MECOM: variants seen among roughly 807,000 people sequenced by gnomAD.
The protein encoded by MECOM is MDS1 and EVI1 complex locus.
Under a neutral mutation model 116.3 loss-of-function variants are expected in MECOM, and 13 were observed. The observed-to-expected ratio is 0.11, with a 90% CI of 0.07 to 0.18. MECOM has a LOEUF of 0.18. Among genes scored for constraint, MECOM ranks in the 10% least tolerant of loss-of-function variants. The pLI, the probability that MECOM is intolerant of heterozygous loss-of-function variation, is 1.00. For missense variants in MECOM, 1,299 were observed against 1,509.0 expected (o/e 0.86, Z 2.31); for synonymous variants, 528 against 535.2 (o/e 0.99, Z 0.19).
chr3:169,351,430 G>C (rs984023194), intron 2 of MECOM, among the ~76,000 whole-genome samples: 4 of 151,760 alleles, frequency 2.6e-5, no homozygotes, highest in Non-Finnish European at 4.4e-5. Flanking sequence ...TATCTTTCTA[G>C]TAGGTATTAA....
intron 2 of MECOM, among the ~76,000 whole-genome samples, chr3:169,171,224 C>T (rs1744355567): frequency 6.6e-6 from 1 of 152,032 alleles, no homozygotes; most frequent in Non-Finnish European, 1.5e-5. Context: ...TGCTATTGTC[C>T]TTTTCTATTA....
At chr3:169,416,607 A>AG (rs758559887) in intron 1 of MECOM, among the ~76,000 whole-genome samples, 51 of 152,200 alleles carry the variant, frequency 3.4e-4, no homozygotes, top group Admixed American at 5.9e-4. Flanking sequence ...TTTTTAAAAA[A>AG]GGATGAACAA....
chr3:169,623,806 C>G (rs1396405096), intron 1 of MECOM: 1 of 151,240 alleles, frequency 6.6e-6, no homozygotes, highest in African/African-American at 2.5e-5. Flanking sequence ...CACACACACA[C>G]ACATACACAC....
At chr3:169,426,795 A>T (rs907356182) in intron 1 of MECOM, among the ~76,000 whole-genome samples, 2 of 152,244 alleles carry the variant, frequency 1.3e-5, no homozygotes. Context: ...ATGCAAAATC[A>T]TAAAATGTTG....
rs539873617 is a variant in MECOM, at chr3:169,097,817, T to TAAAAAAAAAAAAAAAAAAAAAAAA, written c.2850-2573_2850-2572insTTTTTTTTTTTTTTTTTTTTTTTT. ...AACAGAGTGAGACCTACTGTCTATA[T>TAAAAAAAAAAAAAAAAAAAAAAAA]AAAAAAAAAAAAAAAAAAAAAAAGG... On this transcript the variant is annotated intron_variant, in intron 12 of 16. Transcript: ENST00000651503. Among the ~76,000 whole-genome samples the TAAAAAAAAAAAAAAAAAAAAAAAA allele has an allele frequency of 1.6e-4, 14 of 87,212 alleles. 3 individuals carry two copies. Among genetic ancestry groups the TAAAAAAAAAAAAAAAAAAAAAAAA allele is most frequent in the Admixed American group, 3.6e-4 (2 of 5,548 alleles). The allele number at this position is 87,212 out of a possible 152,430, so 57.2% of individuals were successfully genotyped here. A position where few individuals can be genotyped will look rare whatever the true frequency, so the allele number is the denominator to read the frequency against.
intron 1 of MECOM, among the ~76,000 whole-genome samples, chr3:169,404,170 T>A (rs7609712): frequency 0.061 from 9,306 of 152,174 alleles, 632 homozygotes; most frequent in African/African-American, 0.16. Flanking sequence ...AAAATTTTTT[T>A]AAATAGCTAA....
At chr3:169,522,779 T>A (rs963438065) in intron 1 of MECOM, among the ~76,000 whole-genome samples, 2 of 152,246 alleles carry the variant, frequency 1.3e-5, no homozygotes, top group African/African-American at 4.8e-5. Flanking sequence ...AGATAATCAA[T>A]CTTCTGATGT....
chr3:169,208,086 G>A (rs1279134161), intron 2 of MECOM, among the ~76,000 whole-genome samples: 1 of 151,794 alleles, frequency 6.6e-6, no homozygotes, highest in Non-Finnish European at 1.5e-5. Flanking sequence ...GTGAGAGGAA[G>A]GAATTTGCCT....
chr3:169,085,146 G>A, intron 16 of MECOM, 103 bp from the exon 17 acceptor site: 3 of 1,405,754 alleles, frequency 2.1e-6, no homozygotes, highest in South Asian at 1.3e-5. Context: ...ACCCTGAGTA[G>A]GGGCATCCTT....
At chr3:169,567,685 G>C (rs1481154704) in intron 1 of MECOM, among the ~76,000 whole-genome samples, 1 of 152,110 alleles carries the variant, frequency 6.6e-6, no homozygotes, top group African/African-American at 2.4e-5. Context: ...TTCCAGCCCA[G>C]GGCTCTTTCC....
chr3:169,145,004 T>G (rs1338724545), intron 2 of MECOM: 1 of 1,561,324 alleles, frequency 6.4e-7, no homozygotes, highest in Non-Finnish European at 8.7e-7. Flanking sequence ...CACCATATAC[T>G]TCAAGAAAAA....
intron 1 of MECOM, among the ~76,000 whole-genome samples, chr3:169,478,518 C>T (rs1054453016): frequency 4.6e-5 from 7 of 152,114 alleles, no homozygotes; most frequent in African/African-American, 7.2e-5. Context: ...AGTGAGGGTA[C>T]GAATACTTCC....
At chr3:169,504,401 T>C (rs1754951416) in intron 1 of MECOM, among the ~76,000 whole-genome samples, 1 of 152,202 alleles carries the variant, frequency 6.6e-6, no homozygotes, top group African/African-American at 2.4e-5. Context: ...CAGTCATATA[T>C]GAGGTACTCA....
intron 2 of MECOM, among the ~76,000 whole-genome samples, chr3:169,186,141 T>C (rs967425371): frequency 6.6e-6 from 1 of 152,034 alleles, no homozygotes; most frequent in Admixed American, 6.6e-5. Flanking sequence ...CTGGACTGTG[T>C]CCCTCACTTG....
chr3:169,224,392 C>T lies in MECOM; in HGVS notation c.376-80560G>A, dbSNP rs142615112. ...AAGCTGCAGTGGTCATCCAACACAA[C>T]GTAAACCCAAATGAGTTGTTTTGGT... On this transcript the variant is annotated intron_variant, in intron 2 of 16. Transcript: ENST00000651503. Among the ~76,000 whole-genome samples, 450 of 152,312 alleles carry T rather than the reference C, an allele frequency of 3.0e-3. 3 individuals carry two copies. The highest frequency in any genetic ancestry group is 0.01 in the African/African-American group (430 of 41,570).
At chr3:169,589,127 A>G (rs78159151) in intron 1 of MECOM, among the ~76,000 whole-genome samples, 3,079 of 152,224 alleles carry the variant, frequency 0.02, 39 homozygotes, top group Middle Eastern at 0.051. Flanking sequence ...AAAATTCCCA[A>G]TGCAAATGGC....
chr3:169,533,535 G>A (rs542314367), intron 1 of MECOM, among the ~76,000 whole-genome samples: 1 of 145,874 alleles, frequency 6.9e-6, no homozygotes, highest in African/African-American at 2.5e-5. Context: ...AATTTTCACA[G>A]TTGGCTATGA....
chr3:169,423,638 T>C (rs1285188433), intron 1 of MECOM, among the ~76,000 whole-genome samples: 2 of 152,248 alleles, frequency 1.3e-5, no homozygotes, highest in African/African-American at 4.8e-5. Flanking sequence ...TGAGAATTTT[T>C]TAGCATTTTC....
intron 2 of MECOM, among the ~76,000 whole-genome samples, chr3:169,371,905 A>C (rs1282916280): frequency 6.6e-6 from 1 of 152,164 alleles, no homozygotes; most frequent in Non-Finnish European, 1.5e-5. Flanking sequence ...GTAAGGTGTC[A>C]CTGTAGAATC....
Sources: gnomAD v4.1 joint callset for allele counts (sites outside exome capture counted in the v4.1 genomes callset) on GRCh38, gnomAD v4.1.1 for gene constraint, MANE v1.5 for transcripts, NCBI Gene and HGNC (gene_info 2026-07-23, HGNC 2026-07-21) for gene names.